The following UBE2E1 variants were observed in gnomAD, a reference collection of about 807,000 sequenced individuals.
UBE2E1 encodes the protein ubiquitin conjugating enzyme E2 E1.
UBE2E1 carries 6 observed loss-of-function variants against 21.4 expected under a neutral mutation model. The observed-to-expected ratio is 0.28, with a 90% CI of 0.15 to 0.55. The LOEUF is 0.55. UBE2E1 is among the 20% of genes least tolerant of loss of function. The pLI, the probability that UBE2E1 is intolerant of heterozygous loss-of-function variation, is 0.93. For synonymous variants in UBE2E1, 87 were observed against 82.7 expected (o/e 1.05, Z -0.28); for missense variants, 142 against 236.5 (o/e 0.60, Z 2.62).
chr3:23,870,494 C>T lies in UBE2E1; in HGVS notation c.204-17073C>T, dbSNP rs976325882. ...GGCAGAGCAGCTTTAAGCACAGAGG[C>T]GCAGATAGGGGTAGCTAGAACTTGG... On this transcript the variant is annotated intron_variant, in intron 3 of 5. Coordinates refer to ENST00000306627, the MANE Select transcript of UBE2E1 (RefSeq NM_003341.5). This position sits in a 1 kb window ranked among gnomAD's most constrained non-coding sequence, Gnocchi z 4.2. 5.3e-5 allele frequency among the ~76,000 whole-genome samples: 8 copies of T among 152,096 alleles called. No homozygotes were observed. Among genetic ancestry groups the T allele is most frequent in the Non-Finnish European group, 8.8e-5 (6 of 68,018 alleles).
In UBE2E1 at chr3:23,810,494, C is replaced by G; in HGVS notation, c.153-966C>G. On this transcript the variant is annotated intron_variant, in intron 2 of 5. Coordinates refer to ENST00000306627, the MANE Select transcript of UBE2E1 (RefSeq NM_003341.5). This position sits in a 1 kb window ranked among gnomAD's most constrained non-coding sequence, Gnocchi z 5.8. ...GCGGACCATGAAGGAAGTGGGCAGA[C>G]CCCGGGAAGTTAGAGGACGCCCGGG... 6.5e-7 allele frequency: 1 copy of G among 1,535,682 alleles called. No homozygotes were observed. The highest frequency in any genetic ancestry group is 1.2e-5 in the South Asian group (1 of 84,054).
In UBE2E1 at chr3:23,832,658, C is replaced by T. The variant is rs138579521; in HGVS notation, c.203+21148C>T. On this transcript the variant is annotated intron_variant, in intron 3 of 5. Transcript: ENST00000306627. Reference sequence around the variant, plus strand: ...TGAGCTGAGAGAGAATCGCTTGAAGCCGGGAGGCGAAGGTTACAGTGAGCC... The same window carrying T: ...TGAGCTGAGAGAGAATCGCTTGAAGTCGGGAGGCGAAGGTTACAGTGAGCC... Among the ~76,000 whole-genome samples, 7 of 152,210 alleles carry T rather than the reference C, an allele frequency of 4.6e-5. No homozygotes were observed. The East Asian group carries it at 1.4e-3, about 29-fold the overall frequency.
chr3:23,866,452 T>A (rs1700659723), intron 3 of UBE2E1: 1 of 152,272 alleles, frequency 6.6e-6, no homozygotes, highest in Admixed American at 6.5e-5. Context: ...TCCTGGACTG[T>A]GGGACCAACC....
chr3:23,822,462 GT>G (rs1363304520), intron 3 of UBE2E1, among the ~76,000 whole-genome samples: 12 of 149,260 alleles, frequency 8.0e-5, no homozygotes, highest in East Asian at 3.9e-4. Flanking sequence ...TCTCAAAGGA[GT>G]TTTTTTTTTC....
At chr3:23,871,047 A>G (rs1372303800) in intron 3 of UBE2E1, among the ~76,000 whole-genome samples, 1 of 151,908 alleles carries the variant, frequency 6.6e-6, no homozygotes, top group Non-Finnish European at 1.5e-5. Context: ...CTTAGTACAG[A>G]ACAAAATGAA....
chr3:23,849,734 C>G (rs913877334), intron 3 of UBE2E1, among the ~76,000 whole-genome samples: 2 of 152,166 alleles, frequency 1.3e-5, no homozygotes, highest in African/African-American at 2.4e-5. Context: ...ATATGTGCCA[C>G]GTTTTCTTTA....
chr3:23,877,129 T>C (rs1458556076), intron 3 of UBE2E1, among the ~76,000 whole-genome samples: 1 of 152,176 alleles, frequency 6.6e-6, no homozygotes, highest in African/African-American at 2.4e-5. Context: ...ATTGATAGGG[T>C]CTGAGGTGGA....
chr3:23,881,572 G>T (rs1365473699), intron 3 of UBE2E1, among the ~76,000 whole-genome samples: 1 of 152,104 alleles, frequency 6.6e-6, no homozygotes, highest in African/African-American at 2.4e-5. Flanking sequence ...TTGGTTGGCT[G>T]GTTTTAAAAA....
chr3:23,814,132 G>T (rs542092974), intron 3 of UBE2E1, among the ~76,000 whole-genome samples: 78 of 152,148 alleles, frequency 5.1e-4, no homozygotes, highest in African/African-American at 1.9e-3. Flanking sequence ...TCCAGCCTGG[G>T]CGACAGAGTG....
chr3:23,829,324 CTTT>C (rs34404748), intron 3 of UBE2E1, among the ~76,000 whole-genome samples: 9 of 142,840 alleles, frequency 6.3e-5, no homozygotes, highest in Non-Finnish European at 9.1e-5. Flanking sequence ...CAAAGTCCAG[CTTT>C]TTTTTTTTTT....
At chr3:23,873,742 T>C (rs1225737009) in intron 3 of UBE2E1, among the ~76,000 whole-genome samples, 1 of 152,040 alleles carries the variant, frequency 6.6e-6, no homozygotes. Flanking sequence ...CGAGACTCCG[T>C]CTCAAGAAAA....
intron 3 of UBE2E1, among the ~76,000 whole-genome samples, chr3:23,840,264 G>A (rs1019833166): frequency 1.3e-5 from 2 of 152,012 alleles, no homozygotes; most frequent in Non-Finnish European, 2.9e-5. Flanking sequence ...CATTATCTGG[G>A]TCATTTCTGG....
intron 3 of UBE2E1, among the ~76,000 whole-genome samples, chr3:23,867,638 T>C (rs1366076850): frequency 6.6e-6 from 1 of 152,194 alleles, no homozygotes; most frequent in East Asian, 1.9e-4. Context: ...AAAATCAGAT[T>C]TGCATCCTGC....
At chr3:23,832,570 G>A (rs917177888) in intron 3 of UBE2E1, among the ~76,000 whole-genome samples, 4 of 152,016 alleles carry the variant, frequency 2.6e-5, no homozygotes, top group African/African-American at 4.8e-5. Context: ...GCTTGAACCC[G>A]GGAGGTGGAG....
At chr3:23,884,347 T>A (rs1046194957) in intron 3 of UBE2E1, among the ~76,000 whole-genome samples, 5 of 152,332 alleles carry the variant, frequency 3.3e-5, no homozygotes, top group Admixed American at 1.3e-4. Flanking sequence ...GTCCCACTAG[T>A]AACCTGTAGC....
chr3:23,836,232 A>G lies in UBE2E1; in HGVS notation c.203+24722A>G, dbSNP rs1295116001. Among the ~76,000 whole-genome samples the G allele has an allele frequency of 6.6e-6, 1 of 152,260 alleles. No individual in the cohort carries two copies. The highest frequency in any genetic ancestry group is 1.5e-5 in the Non-Finnish European group (1 of 68,044). ...ACTAAAGTTAATAGGAATATCTAAA[A>G]TGAATATCCAGCTAGTAAAATTAGC... On this transcript the variant is annotated intron_variant, in intron 3 of 5. Transcript: ENST00000306627. The surrounding 1 kb of genome is among the most constrained non-coding windows in gnomAD (Gnocchi z 4.1).
At chr3:23,815,155 T>C (rs796547589) in intron 3 of UBE2E1, among the ~76,000 whole-genome samples, 2 of 152,266 alleles carry the variant, frequency 1.3e-5, no homozygotes, top group African/African-American at 4.8e-5. Context: ...TAATTTTTTG[T>C]ATTTTTTTGT....
intron 3 of UBE2E1, among the ~76,000 whole-genome samples, chr3:23,831,085 T>G (rs568679251): frequency 1.3e-5 from 2 of 152,330 alleles, no homozygotes; most frequent in East Asian, 3.9e-4. Flanking sequence ...TGATACCACT[T>G]TTGTTATTAG....
intron 5 of UBE2E1, chr3:23,889,674 C>CAT: frequency 2.0e-6 from 2 of 985,372 alleles, no homozygotes; most frequent in South Asian, 9.4e-5. Context: ...ACTGAGATGG[C>CAT]ACTCAATTTT....
Sources: gnomAD v4.1 joint callset for allele counts (sites outside exome capture counted in the v4.1 genomes callset) on GRCh38, gnomAD v4.1.1 for gene constraint, Gnocchi (gnomAD v3.1) non-coding constraint, MANE v1.5 for transcripts, NCBI Gene and HGNC (gene_info 2026-07-23, HGNC 2026-07-21) for gene names.